CDH18: variants seen among roughly 807,000 people sequenced by gnomAD.
CDH18 encodes the protein cadherin-18.
In CDH18, 31 loss-of-function variants were observed where a neutral mutation model predicts 67.9. The observed-to-expected ratio is 0.46, with a 90% CI of 0.34 to 0.62. The LOEUF is 0.62. Ranked by LOEUF, CDH18 falls within the 20% of genes least tolerant of loss-of-function variation. The pLI, the probability that CDH18 is intolerant of heterozygous loss-of-function variation, is 0.01. For synonymous variants in CDH18, 362 were observed against 347.2 expected (o/e 1.04, Z -0.48); for missense variants, 890 against 975.5 (o/e 0.91, Z 1.17).
At chr5:20,507,650 A>G (rs1488397662) in intron 1 of CDH18, among the ~76,000 whole-genome samples, 1 of 152,200 alleles carries the variant, frequency 6.6e-6, no homozygotes, top group African/African-American at 2.4e-5. Flanking sequence ...AGCTATTAGC[A>G]TAAAGGCATA....
At chr5:19,546,897 A>G (rs192342078) in intron 8 of CDH18, among the ~76,000 whole-genome samples, 1 of 152,326 alleles carries the variant, frequency 6.6e-6, no homozygotes, top group Admixed American at 6.5e-5. Flanking sequence ...ATTGTACATT[A>G]AATTTTCTAA....
chr5:19,691,255 G>T (rs1258787195), intron 5 of CDH18, among the ~76,000 whole-genome samples: 1 of 151,500 alleles, frequency 6.6e-6, no homozygotes, highest in East Asian at 1.9e-4. Flanking sequence ...ACATCTTATA[G>T]GTCATATATG....
At chr5:20,567,041 C>T (rs1187617993) in intron 1 of CDH18, among the ~76,000 whole-genome samples, 1 of 152,154 alleles carries the variant, frequency 6.6e-6, no homozygotes, top group Non-Finnish European at 1.5e-5. Flanking sequence ...TTTCTGTTAT[C>T]AACTCTTCTT....
chr5:19,685,834 T>G (rs527249958), intron 5 of CDH18, among the ~76,000 whole-genome samples: 1 of 152,116 alleles, frequency 6.6e-6, no homozygotes, highest in South Asian at 2.1e-4. Context: ...AATCGACCAA[T>G]GGAAGCAGGA....
chr5:20,263,569 A>G (rs1285955868), intron 1 of CDH18, among the ~76,000 whole-genome samples: 3 of 152,214 alleles, frequency 2.0e-5, no homozygotes, highest in Non-Finnish European at 2.9e-5. Flanking sequence ...AGATACATAC[A>G]TCTTTGTGAA....
intron 3 of CDH18, among the ~76,000 whole-genome samples, chr5:19,829,128 A>C (rs1156695723): frequency 6.6e-6 from 1 of 152,194 alleles, no homozygotes; most frequent in Non-Finnish European, 1.5e-5. Context: ...AAAAGCTGGA[A>C]GTATTCCCCT....
intron 1 of CDH18, among the ~76,000 whole-genome samples, chr5:20,374,590 C>T (rs1743261822): frequency 6.6e-6 from 1 of 152,166 alleles, no homozygotes; most frequent in Non-Finnish European, 1.5e-5. Context: ...TTTTCAGCTT[C>T]TTTCCCGGCA....
At chr5:19,815,683 C>G (rs1218929513) in intron 3 of CDH18, among the ~76,000 whole-genome samples, 1 of 151,908 alleles carries the variant, frequency 6.6e-6, no homozygotes, top group Non-Finnish European at 1.5e-5. Context: ...CATTAAGGAA[C>G]TGGATATCTC....
At chr5:19,811,386 C>G (rs1170062474) in intron 3 of CDH18, among the ~76,000 whole-genome samples, 3 of 151,930 alleles carry the variant, frequency 2.0e-5, no homozygotes, top group Non-Finnish European at 2.9e-5. Flanking sequence ...AAATGGAGGG[C>G]TTTGGACACT....
rs146074833 is a variant in CDH18 at position 19,735,727 on chromosome 5, C to A, written c.523+11215G>T. 4.7e-3 allele frequency among the ~76,000 whole-genome samples: 712 copies of A among 152,170 alleles called. 3 individuals carry two copies. The highest frequency in any genetic ancestry group is 7.2e-3 in the Non-Finnish European group (489 of 67,998). Reference sequence around the variant, plus strand: ...GATATTTTAAGTTAGAGAAGTCACACCTATACTTCGTAAGAAAAATAAATA... The same window carrying A: ...GATATTTTAAGTTAGAGAAGTCACAACTATACTTCGTAAGAAAAATAAATA... On this transcript the variant is annotated intron_variant, in intron 4 of 12. Transcript: ENST00000382275.
intron 2 of CDH18, among the ~76,000 whole-genome samples, chr5:20,201,942 G>T (rs1357422453): frequency 6.6e-6 from 1 of 152,174 alleles, no homozygotes; most frequent in African/African-American, 2.4e-5. Flanking sequence ...AGTGACATGA[G>T]AAAAATTTGA....
At chr5:20,314,627 A>G (rs1737297573) in intron 1 of CDH18, among the ~76,000 whole-genome samples, 1 of 152,098 alleles carries the variant, frequency 6.6e-6, no homozygotes, top group South Asian at 2.1e-4. Flanking sequence ...GTTTTTGAGC[A>G]CAGCGCTCAT....
chr5:19,588,840 A>C (rs13167417), intron 7 of CDH18, among the ~76,000 whole-genome samples: 92,941 of 151,886 alleles, frequency 0.61, 29,550 homozygotes, highest in South Asian at 0.75. Context: ...CAATTCAACA[A>C]GAAGTAACTA....
At chr5:20,281,173 T>C (rs1007309231) in intron 1 of CDH18, among the ~76,000 whole-genome samples, 1 of 152,140 alleles carries the variant, frequency 6.6e-6, no homozygotes, top group African/African-American at 2.4e-5. Flanking sequence ...TTCACTCTGA[T>C]GGTAGTTTCT....
chr5:19,863,371 G>A (rs1177899884), intron 2 of CDH18, among the ~76,000 whole-genome samples: 2 of 152,288 alleles, frequency 1.3e-5, no homozygotes, highest in South Asian at 4.1e-4. Context: ...GGAAGTCAGT[G>A]TCCCTTTCCT....
chr5:19,913,696 T>C (rs75152084), intron 2 of CDH18, among the ~76,000 whole-genome samples: 1,911 of 152,180 alleles, frequency 0.013, 36 homozygotes, highest in African/African-American at 0.044. Context: ...AAAAGAATGA[T>C]GCTGAGCTAA....
At chr5:19,559,067 T>C (rs1300438762) in intron 8 of CDH18, among the ~76,000 whole-genome samples, 1 of 152,144 alleles carries the variant, frequency 6.6e-6, no homozygotes, top group Non-Finnish European at 1.5e-5. Flanking sequence ...ATTGAGCTTG[T>C]TTGGATCTTC....
chr5:19,701,902 C>A (rs184985437), intron 5 of CDH18, among the ~76,000 whole-genome samples: 2 of 152,124 alleles, frequency 1.3e-5, no homozygotes, highest in African/African-American at 4.8e-5. Context: ...AATTTCTATA[C>A]ATCTACGGAA....
At chr5:20,147,069 A>C (rs1437866055) in intron 2 of CDH18, among the ~76,000 whole-genome samples, 1 of 152,156 alleles carries the variant, frequency 6.6e-6, no homozygotes, top group Non-Finnish European at 1.5e-5. Flanking sequence ...GAAAGTATTA[A>C]AGTTAAAGAT....
Sources: gnomAD v4.1 joint callset for allele counts (sites outside exome capture counted in the v4.1 genomes callset) on GRCh38, gnomAD v4.1.1 for gene constraint, MANE v1.5 for transcripts, NCBI Gene and HGNC (gene_info 2026-07-23, HGNC 2026-07-21) for gene names.